KCNG4: variants seen among roughly 807,000 people sequenced by gnomAD.
KCNG4 encodes potassium voltage-gated channel modifier subfamily G member 4, also known as voltage-gated potassium channel regulatory subunit KCNG4.
KCNG4 carries 30 observed loss-of-function variants against 28.2 expected under a neutral mutation model. The ratio of observed to expected loss-of-function variants is 1.06; its 90% confidence interval spans 0.80 to 1.44. KCNG4 has a LOEUF of 1.44. Ranked by LOEUF, KCNG4 falls within the 40% of genes most tolerant of loss-of-function variation. The pLI is 0.00. For synonymous variants in KCNG4, 375 were observed against 315.5 expected (o/e 1.19, Z -2.00); for missense variants, 879 against 712.3 (o/e 1.23, Z -2.66).
In KCNG4 at chr16:84,221,237, C is replaced by G. The variant is rs1030050446; in HGVS notation, c.*980G>C. On this transcript the variant is annotated 3_prime_UTR_variant, in exon 3 of 3. Coordinates refer to ENST00000308251, the MANE Select transcript of KCNG4 (RefSeq NM_172347.3). The stretch of plus-strand genomic sequence containing the variant: ...CTGGGAAGCCAGCAAGGGACAGCAC[C>G]TACAATTCCCCTTGTTTCTGTGCCA... 6.6e-6 allele frequency: 1 copy of G among 152,254 alleles called. No individual in the cohort carries two copies. The highest frequency in any genetic ancestry group is 2.4e-5 in the African/African-American group (1 of 41,444). 9.4% of individuals were successfully genotyped at this position (152,254 alleles called of 1,614,324 possible). A position where few individuals can be genotyped will look rare whatever the true frequency, so the allele number is the denominator to read the frequency against.
Position 84,236,837 on chromosome 16 carries a change from C to A in KCNG4, c.649G>T (p.Gly217Trp), listed in dbSNP as rs553706129. 6.2e-7 allele frequency: 1 copy of A among 1,613,614 alleles called. No individual in the cohort carries two copies. The highest frequency in any genetic ancestry group is 1.1e-5 in the South Asian group (1 of 91,084). The change falls in exon 2 of 3, where the codon GGG becomes TGG. Residue 217 changes from glycine (G) to tryptophan (W), a missense_variant. Transcript: ENST00000308251. ...CAAGCGAAGACCTTCCCGGGCAGCC[C>A]GGACTGCGGGTTTTCCACCATCTCG... ...LREMVENPQSGLPGKVFACLS... is the reference protein window; with the variant it reads ...LREMVENPQSWLPGKVFACLS...
intron 2 of KCNG4, among the ~76,000 whole-genome samples, chr16:84,229,793 G>A (rs938238798): frequency 5.9e-5 from 9 of 152,206 alleles, no homozygotes; most frequent in Non-Finnish European, 7.3e-5. Context: ...CAGGAAACAG[G>A]GAATATTGCT....
intron 2 of KCNG4, among the ~76,000 whole-genome samples, chr16:84,231,769 A>G: frequency 6.6e-6 from 1 of 151,984 alleles, no homozygotes; most frequent in East Asian, 1.9e-4. Context: ...TTTGGGAGGC[A>G]GAGGAGGGCG....
chr16:84,237,370 AG>A lies in KCNG4; in HGVS notation c.115del (p.Leu39PhefsTer19), dbSNP rs1311328196. 6.5e-7 allele frequency: 1 copy of A among 1,547,564 alleles called. No individual in the cohort carries two copies. The highest frequency in any genetic ancestry group is 2.0e-5 in the Admixed American group (1 of 50,182). On this transcript the variant is annotated frameshift_variant, in exon 2 of 3. Coordinates refer to ENST00000308251, the MANE Select transcript of KCNG4 (RefSeq NM_172347.3). LOFTEE classifies it high-confidence loss of function. The part of the protein sequence containing the change: ...SPMETPSIKG[L>X]YYRRVRKVGA... Reference sequence around the variant, plus strand: ...CACCTTCCGCACCCTCCGGTAGTAAAGGCCCTTGATGGACGGCGTCTCCATG... The same window carrying A: ...CACCTTCCGCACCCTCCGGTAGTAAAGCCCTTGATGGACGGCGTCTCCATG...
Position 84,222,604 on chromosome 16 carries a change from C to G in KCNG4, c.1173G>C (p.Val391=). ...AITLFSPLVY[V]AEKESGRVLE... ...GCACCCGCCCGGACTCCTTCTCGGC[C>G]ACGTAGACCAAAGGGGAGAAGAGGG... is the stretch of plus-strand genomic sequence containing the variant. The change falls in exon 3 of 3, where the codon GTG becomes GTC. Residue 391 remains valine, a synonymous_variant. Coordinates refer to ENST00000308251, the MANE Select transcript of KCNG4 (RefSeq NM_172347.3). The G allele has an allele frequency of 6.2e-7, 1 of 1,613,316 alleles. No individual in the cohort carries two copies. The highest frequency in any genetic ancestry group is 8.5e-7 in the Non-Finnish European group (1 of 1,179,982).
chr16:84,229,188 C>G (rs540754479), intron 2 of KCNG4, among the ~76,000 whole-genome samples: 1 of 152,024 alleles, frequency 6.6e-6, no homozygotes, highest in East Asian at 1.9e-4. Context: ...TAATCCGTTA[C>G]TCGGGAGGCT....
At chr16:84,227,795 G>A (rs760995669) in intron 2 of KCNG4, among the ~76,000 whole-genome samples, 4 of 152,174 alleles carry the variant, frequency 2.6e-5, no homozygotes, top group Non-Finnish European at 4.4e-5. Context: ...CTGAAAACAC[G>A]ATGCTGAGTG....
rs929347257 is a variant in KCNG4, at chr16:84,221,398, A to G, written c.*819T>C. 2 of 152,242 alleles carry G rather than the reference A, an allele frequency of 1.3e-5. No homozygotes were observed. Among genetic ancestry groups the G allele is most frequent in the Non-Finnish European group, 2.9e-5 (2 of 68,088 alleles). The allele number at this position is 152,242 out of a possible 1,614,324, so 9.4% of individuals were successfully genotyped here. On this transcript the variant is annotated 3_prime_UTR_variant, in exon 3 of 3. Transcript: ENST00000308251. ...GAAAGAGTTTGTCTCTGTCAAGGCTAAGGACTGGATAACTGGAGAACACCA... is the reference window on the plus strand; with the variant it reads ...GAAAGAGTTTGTCTCTGTCAAGGCTGAGGACTGGATAACTGGAGAACACCA...
At chr16:84,235,594 G>A (rs1434349983) in intron 2 of KCNG4, 1 of 152,186 alleles carries the variant, frequency 6.6e-6, no homozygotes, top group Non-Finnish European at 1.5e-5. Flanking sequence ...GGATCCTACT[G>A]TCTGTGAGGC....
In KCNG4 at chr16:84,237,385, G is replaced by A. The variant is rs780189137; in HGVS notation, c.101C>T (p.Pro34Leu). 20 of 1,536,590 alleles carry A rather than the reference G, an allele frequency of 1.3e-5. No homozygotes were observed. Among genetic ancestry groups the A allele is most frequent in the South Asian group, 5.2e-5 (4 of 77,384 alleles). ...SQLLSSPMET[P>L]SIKGLYYRRV... ...CCGGTAGTAAAGGCCCTTGATGGAC[G>A]GCGTCTCCATGGGGCTGGACAGGAG... Residue 34 changes from proline (P) to leucine (L), a missense_variant, in exon 2 of 3, where the codon CCG becomes CTG. Pro to Leu is a moderately conservative substitution (Grantham distance 98, BLOSUM62 -3). Transcript: ENST00000308251.
At chr16:84,235,071 G>A (rs751598995) in intron 2 of KCNG4, among the ~76,000 whole-genome samples, 19 of 152,150 alleles carry the variant, frequency 1.2e-4, no homozygotes, top group Admixed American at 3.9e-4. Flanking sequence ...CCTGATCCTC[G>A]GCTGAAACTT....
chr16:84,239,837 C>T lies in KCNG4; in HGVS notation c.-208G>A, dbSNP rs151322472. The T allele has an allele frequency of 3.9e-5, 6 of 152,238 alleles. No homozygotes were observed. The highest frequency in any genetic ancestry group is 7.4e-5 in the Non-Finnish European group (5 of 68,010). The allele number at this position is 152,238 out of a possible 1,614,324, so 9.4% of individuals were successfully genotyped here. A position where few individuals can be genotyped will look rare whatever the true frequency, so the allele number is the denominator to read the frequency against. On this transcript the variant is annotated 5_prime_UTR_variant, in exon 1 of 3. Transcript: ENST00000308251. ...TCAGTTTCCAATCTTTCTTCCCGTG[C>T]CTCCTCCAGAAACCAGAAGTTCATT...
At position 84,220,186 on chromosome 16, in the gene KCNG4, C is replaced by T. The variant is rs1904524516; in HGVS notation, c.*2031G>A. Reference sequence around the variant, plus strand: ...GCAACGCTTATGGGAATCTGCCTGTCACTTTGTGGAGTGGAGTGGCCATCC... The same window carrying T: ...GCAACGCTTATGGGAATCTGCCTGTTACTTTGTGGAGTGGAGTGGCCATCC... On this transcript the variant is annotated 3_prime_UTR_variant, in exon 3 of 3. Coordinates refer to ENST00000308251, the MANE Select transcript of KCNG4 (RefSeq NM_172347.3). 6.6e-6 allele frequency: 1 copy of T among 152,242 alleles called. No homozygotes were observed. The highest frequency in any genetic ancestry group is 1.5e-5 in the Non-Finnish European group (1 of 68,052). The allele number at this position is 152,242 out of a possible 1,614,324, so 9.4% of individuals were successfully genotyped here.
chr16:84,223,344 C>G (rs1281475509), intron 2 of KCNG4, among the ~76,000 whole-genome samples: 1 of 152,166 alleles, frequency 6.6e-6, no homozygotes, highest in Non-Finnish European at 1.5e-5. Context: ...CGGGACAGCA[C>G]AAATGGGCCT....
rs1482618635 is a variant in KCNG4 at position 84,226,870 on chromosome 16, C to G, written c.757-3850G>C. Among the ~76,000 whole-genome samples the G allele has an allele frequency of 6.6e-6, 1 of 151,520 alleles. No homozygotes were observed. The highest frequency in any genetic ancestry group is 2.4e-5 in the African/African-American group (1 of 41,200). The stretch of plus-strand genomic sequence containing the variant: ...CTGCAGCCTGGGCGATAGAGCGAGA[C>G]TCCGTCTCAAAGACAAACATACACA... On this transcript the variant is annotated intron_variant, in intron 2 of 2. Coordinates refer to ENST00000308251, the MANE Select transcript of KCNG4 (RefSeq NM_172347.3). The surrounding 1 kb of genome is among the most constrained non-coding windows in gnomAD (Gnocchi z 4.1).
At chr16:84,230,511 A>C (rs1348431484) in intron 2 of KCNG4, among the ~76,000 whole-genome samples, 1 of 150,064 alleles carries the variant, frequency 6.7e-6, no homozygotes, top group Non-Finnish European at 1.5e-5. Flanking sequence ...GGCAGAGCTT[A>C]CAGTGAGCCA....
At position 84,219,992 on chromosome 16, in the gene KCNG4, G is replaced by A. The variant is rs1904519334; in HGVS notation, c.*2225C>T. The A allele has an allele frequency of 6.6e-6, 1 of 152,062 alleles. No individual in the cohort carries two copies. The highest frequency in any genetic ancestry group is 1.5e-5 in the Non-Finnish European group (1 of 68,046). The allele number at this position is 152,062 out of a possible 1,614,324, so 9.4% of individuals were successfully genotyped here. ...GCAGGAGAATTGCTTGAACCCAGGA[G>A]GCGGAGGTTGCAGTGAGCTGGGATC... On this transcript the variant is annotated 3_prime_UTR_variant, in exon 3 of 3. Transcript: ENST00000308251.
intron 1 of KCNG4, among the ~76,000 whole-genome samples, chr16:84,237,962 T>C (rs1905015685): frequency 6.6e-6 from 1 of 152,148 alleles, no homozygotes; most frequent in Admixed American, 6.5e-5. Context: ...CTTAAGAATG[T>C]AGGCTCTCAG....
At chr16:84,228,825 C>G (rs773328030) in intron 2 of KCNG4, among the ~76,000 whole-genome samples, 4 of 152,272 alleles carry the variant, frequency 2.6e-5, no homozygotes, top group Non-Finnish European at 5.9e-5. Context: ...CTGAGGGATG[C>G]TGCAGTGTAG....
Sources: allele counts gnomAD v4.1 joint callset (sites outside exome capture counted in the v4.1 genomes callset), GRCh38; gene constraint gnomAD v4.1.1; non-coding constraint Gnocchi (gnomAD v3.1); transcripts MANE v1.5; gene names NCBI Gene and HGNC (gene_info 2026-07-23, HGNC 2026-07-21).